Variants in ADGRL3 observed in about 807,000 individuals in gnomAD.
The protein encoded by ADGRL3 is calcium-independent alpha-latrotoxin receptor 3.
Under a neutral mutation model 153.5 loss-of-function variants are expected in ADGRL3, and 62 were observed. The ratio of observed to expected loss-of-function variants is 0.40; its 90% CI spans 0.33 to 0.50. The LOEUF (loss-of-function observed/expected upper bound fraction) is 0.50. Ranked by LOEUF, ADGRL3 falls within the 20% of genes least tolerant of loss-of-function variation. The pLI is 0.47. For missense variants in ADGRL3, 1,641 were observed against 1,859.4 expected (o/e 0.88, Z 2.16); for synonymous variants, 710 against 672.5 (o/e 1.06, Z -0.86).
intron 17 of ADGRL3, 146 bp from the exon 18 acceptor site, chr4:61,979,417 C>A (rs1034472395): frequency 1.4e-5 from 10 of 702,146 alleles, no homozygotes; most frequent in Non-Finnish European, 1.5e-5. Flanking sequence ...AGAGAAAACC[C>A]AAATCATTAA....
chr4:61,291,567 C>CATATAT (rs1164521408), intron 1 of ADGRL3, among the ~76,000 whole-genome samples: 5 of 134,368 alleles, frequency 3.7e-5, no homozygotes, highest in African/African-American at 9.3e-5. Flanking sequence ...TATATATATA[C>CATATAT]ATATATATAT....
chr4:62,036,367 G>C (rs28540438), intron 23 of ADGRL3, among the ~76,000 whole-genome samples: 4,253 of 151,900 alleles, frequency 0.028, 210 homozygotes, highest in African/African-American at 0.099. Context: ...CCAAGAAGCC[G>C]TTCTTGGCCT....
chr4:61,810,004 G>A (rs888140968), intron 8 of ADGRL3, among the ~76,000 whole-genome samples: 1 of 152,046 alleles, frequency 6.6e-6, no homozygotes, highest in Admixed American at 6.6e-5. Context: ...AAATAGTTGG[G>A]TTATATGACT....
chr4:61,297,225 G>A lies in ADGRL3; in HGVS notation c.-239-85899G>A, dbSNP rs373002407. ...TTTTAAAATAGATAATTCTGATCTC[G>A]GCTACATTTAAAAACATTACTAAAT... On this transcript the variant is annotated intron_variant, in intron 1 of 26. Transcript: ENST00000683033. 1.2e-4 allele frequency among the ~76,000 whole-genome samples: 18 copies of A among 152,048 alleles called. No individual in the cohort carries two copies. In the East Asian group the frequency reaches 2.3e-3, roughly 20 times the overall value.
chr4:61,361,927 T>C (rs1191375895), intron 1 of ADGRL3, among the ~76,000 whole-genome samples: 1 of 150,584 alleles, frequency 6.6e-6, no homozygotes, highest in Non-Finnish European at 1.5e-5. Context: ...AATTATGAAC[T>C]GTAGTATAAC....
chr4:61,592,548 A>G (rs1444823440), intron 5 of ADGRL3, among the ~76,000 whole-genome samples: 1 of 152,198 alleles, frequency 6.6e-6, no homozygotes, highest in Non-Finnish European at 1.5e-5. Context: ...AAGGAAAAGA[A>G]AGGAGAGAAG....
At chr4:61,915,389 A>G (rs2098740825) in intron 13 of ADGRL3, among the ~76,000 whole-genome samples, 1 of 151,496 alleles carries the variant, frequency 6.6e-6, no homozygotes, top group East Asian at 1.9e-4. Flanking sequence ...ATCCTTTACC[A>G]TCAAAAGCTG....
chr4:62,048,245 ACTTTT>A (rs1283245677), intron 25 of ADGRL3, among the ~76,000 whole-genome samples: 5 of 151,698 alleles, frequency 3.3e-5, no homozygotes, highest in African/African-American at 1.2e-4. Flanking sequence ...CTATTTATTT[ACTTTT>A]ATTTATTTTA....
intron 1 of ADGRL3, among the ~76,000 whole-genome samples, chr4:61,226,647 T>G (rs2149105371): frequency 6.6e-6 from 1 of 152,298 alleles, no homozygotes; most frequent in African/African-American, 2.4e-5. Context: ...TTTATTTGCC[T>G]TATTGTATGG....
intron 2 of ADGRL3, among the ~76,000 whole-genome samples, chr4:61,493,513 G>A (rs1246832714): frequency 6.6e-6 from 1 of 152,106 alleles, no homozygotes; most frequent in Non-Finnish European, 1.5e-5. Flanking sequence ...TGAAATAAAT[G>A]ATTCCAGTTG....
intron 1 of ADGRL3, among the ~76,000 whole-genome samples, chr4:61,371,640 C>G (rs1294496882): frequency 6.6e-6 from 1 of 152,270 alleles, no homozygotes; most frequent in South Asian, 2.1e-4. Flanking sequence ...GTAACCCGAC[C>G]TTTCTCTCTG....
intron 8 of ADGRL3, among the ~76,000 whole-genome samples, chr4:61,792,538 A>G (rs531430769): frequency 1.3e-5 from 2 of 151,012 alleles, no homozygotes; most frequent in South Asian, 4.2e-4. Flanking sequence ...TCACCAGGCT[A>G]GAGTGCAGTG....
At chr4:61,413,720 C>G (rs986476338) in intron 2 of ADGRL3, among the ~76,000 whole-genome samples, 1 of 151,984 alleles carries the variant, frequency 6.6e-6, no homozygotes, top group Non-Finnish European at 1.5e-5. Flanking sequence ...CCAGATTTTT[C>G]TGCTCCAAAT....
At chr4:61,758,178 T>C (rs143632155) in intron 8 of ADGRL3, among the ~76,000 whole-genome samples, 1 of 152,296 alleles carries the variant, frequency 6.6e-6, no homozygotes, top group African/African-American at 2.4e-5. Flanking sequence ...GTTAACCTGA[T>C]TCAATTCCTG....
chr4:61,878,306 A>G (rs1011086592), intron 9 of ADGRL3, among the ~76,000 whole-genome samples: 1 of 152,190 alleles, frequency 6.6e-6, no homozygotes, highest in Non-Finnish European at 1.5e-5. Flanking sequence ...TAGAACTTCA[A>G]TGTATGAATT....
At chr4:61,342,810 C>T (rs1055779856) in intron 1 of ADGRL3, among the ~76,000 whole-genome samples, 4 of 152,140 alleles carry the variant, frequency 2.6e-5, no homozygotes, top group Non-Finnish European at 4.4e-5. Flanking sequence ...TCTCTAGTAG[C>T]CTCACCACTC....
Position 62,071,908 on chromosome 4 carries a change from T to A in ADGRL3, c.*1000T>A, listed in dbSNP as rs2151939857. ...TTCCTTCCCTCACTATATATCTTTA[T>A]GCAGTCAGAATATTTCCAACAGTGT... On this transcript the variant is annotated 3_prime_UTR_variant, in exon 27 of 27. Transcript: ENST00000683033. 1 of 287,888 alleles carries A rather than the reference T, an allele frequency of 3.5e-6. No individual in the cohort carries two copies. Among genetic ancestry groups the A allele is most frequent in the East Asian group, 1.0e-4 (1 of 10,016 alleles). 17.8% of individuals were successfully genotyped at this position (287,888 alleles called of 1,614,324 possible). A position where few individuals can be genotyped will look rare whatever the true frequency, so the allele number is the denominator to read the frequency against.
In ADGRL3 at chr4:61,804,434, T is replaced by A. The variant is rs1197941006; in HGVS notation, c.1400-9375T>A. 2.0e-5 allele frequency among the ~76,000 whole-genome samples: 3 copies of A among 152,162 alleles called. No individual in the cohort carries two copies. In the East Asian group the frequency reaches 5.8e-4, roughly 29 times the overall value. On this transcript the variant is annotated intron_variant, in intron 8 of 26. Coordinates refer to ENST00000683033, the MANE Select transcript of ADGRL3 (RefSeq NM_001387552.1). ...ATAAGAGTCCCCTTGTCTCTTTTCT[T>A]TATAAGAACGTTAATTGGACACACA...
At chr4:61,647,841 C>T (rs539025622) in intron 5 of ADGRL3, among the ~76,000 whole-genome samples, 1 of 152,022 alleles carries the variant, frequency 6.6e-6, no homozygotes, top group Non-Finnish European at 1.5e-5. Flanking sequence ...CACCAGTTTT[C>T]CACTGTAAGT....
Sources: allele counts gnomAD v4.1 joint callset (sites outside exome capture counted in the v4.1 genomes callset), GRCh38; gene constraint gnomAD v4.1.1; transcripts MANE v1.5; gene names NCBI Gene and HGNC (gene_info 2026-07-23, HGNC 2026-07-21).